SMARCA2: variants seen among roughly 807,000 people sequenced by gnomAD.
The protein encoded by SMARCA2 is SWI/SNF related BAF chromatin remodeling complex subunit ATPase 2, also known as SWI/SNF-related matrix-associated actin-dependent regulator of chromatin subfamily A member 2.
In SMARCA2, 61 loss-of-function variants were observed where a neutral mutation model predicts 199.8. That is an observed-to-expected ratio of 0.31 (90% CI 0.25 to 0.38). SMARCA2 has a LOEUF of 0.38. Among genes scored for constraint, SMARCA2 ranks in the 10% least tolerant of loss-of-function variants. The pLI, the probability that SMARCA2 is intolerant of heterozygous loss-of-function variation, is 1.00. For synonymous variants in SMARCA2, 935 were observed against 732.0 expected (o/e 1.28, Z -4.48); for missense variants, 1,344 against 2,012.2 (o/e 0.67, Z 6.35).
At chr9:2,157,078 C>T (rs530073458) in intron 27 of SMARCA2, among the ~76,000 whole-genome samples, 7 of 152,196 alleles carry the variant, frequency 4.6e-5, no homozygotes, top group Non-Finnish European at 8.8e-5. Flanking sequence ...AAAAGTGCTA[C>T]AGTATGCATT....
chr9:2,096,805 T>G (rs766336242), intron 20 of SMARCA2, 41 bp downstream of exon 20: 73 of 1,130,004 alleles, frequency 6.5e-5, no homozygotes, highest in Middle Eastern at 1.9e-4. Context: ...TGCTGTGGTA[T>G]GTCTTCTCAT....
intron 19 of SMARCA2, among the ~76,000 whole-genome samples, chr9:2,094,480 A>G (rs759798704): frequency 6.6e-6 from 1 of 152,150 alleles, no homozygotes; most frequent in African/African-American, 2.4e-5. Flanking sequence ...CCTTCCCCAA[A>G]TGCACAAGCA....
At chr9:2,042,976 A>G (rs1819677346) in intron 4 of SMARCA2, 1 of 152,134 alleles carries the variant, frequency 6.6e-6, no homozygotes, top group African/African-American at 2.4e-5. Context: ...AGATAACTTT[A>G]CTTGCCAAAA....
chr9:2,188,345 G>C (rs930904154), intron 32 of SMARCA2, among the ~76,000 whole-genome samples: 2 of 152,050 alleles, frequency 1.3e-5, no homozygotes, highest in Non-Finnish European at 2.9e-5. Flanking sequence ...TATACACATT[G>C]CCACAGAGAA....
intron 5 of SMARCA2, 146 bp downstream of exon 5, chr9:2,047,630 C>T (rs978579118): frequency 3.0e-6 from 3 of 1,003,460 alleles, no homozygotes; most frequent in East Asian, 3.7e-5. Flanking sequence ...CTCCTGGGGC[C>T]TTCCCGGTGC....
At position 2,192,945 on chromosome 9, in the gene SMARCA2, C is replaced by G. The variant is rs1489580134; in HGVS notation, c.*206C>G. ...CACAAATATTTGTAACATATTGTGA[C>G]CAAATGGGCCTCAAAGATTCAGATT... On this transcript the variant is annotated 3_prime_UTR_variant, in exon 34 of 34. Transcript: ENST00000349721. The G allele has an allele frequency of 7.8e-6, 4 of 515,280 alleles. No homozygotes were observed. The highest frequency in any genetic ancestry group is 3.2e-5 in the South Asian group (1 of 30,928). The allele number at this position is 515,280 out of a possible 1,614,324, so 31.9% of individuals were successfully genotyped here.
chr9:2,026,879 CA>C (rs1390402431), intron 1 of SMARCA2, among the ~76,000 whole-genome samples: 2 of 152,118 alleles, frequency 1.3e-5, no homozygotes, highest in African/African-American at 4.8e-5. Context: ...TTGTTCATCA[CA>C]AAGAATAAAT....
chr9:2,099,157 G>A (rs1324202874), intron 21 of SMARCA2, among the ~76,000 whole-genome samples: 5 of 152,114 alleles, frequency 3.3e-5, no homozygotes, highest in African/African-American at 9.7e-5. Context: ...ACAATAACAT[G>A]TGAAGCATCT....
intron 2 of SMARCA2, among the ~76,000 whole-genome samples, chr9:2,030,401 A>C (rs1173630618): frequency 6.6e-6 from 1 of 152,142 alleles, no homozygotes; most frequent in Non-Finnish European, 1.5e-5. Flanking sequence ...GAGAACCAGG[A>C]GAACCAGGAG....
chr9:2,186,989 C>A (rs886720245), intron 32 of SMARCA2, among the ~76,000 whole-genome samples: 1 of 152,178 alleles, frequency 6.6e-6, no homozygotes, highest in East Asian at 1.9e-4. Flanking sequence ...GTTGTGGGGC[C>A]TGAGAATCCG....
intron 32 of SMARCA2, among the ~76,000 whole-genome samples, chr9:2,188,036 CAAATATATTA>C (rs999047351): frequency 4.6e-5 from 7 of 152,048 alleles, no homozygotes; most frequent in Middle Eastern, 3.2e-3. Flanking sequence ...TTTACCTTTT[CAAATATATTA>C]AAAGTATAGA....
chr9:2,175,095 A>C (rs1443770002), intron 29 of SMARCA2, among the ~76,000 whole-genome samples: 1 of 151,988 alleles, frequency 6.6e-6, no homozygotes, highest in Non-Finnish European at 1.5e-5. Context: ...AAACTGTAGA[A>C]ATGGCCGGCT....
intron 14 of SMARCA2, among the ~76,000 whole-genome samples, chr9:2,080,582 A>G (rs1821525629): frequency 6.6e-6 from 1 of 152,080 alleles, no homozygotes; most frequent in African/African-American, 2.4e-5. Context: ...TTGTTTTATA[A>G]TAATTTCCCC....
chr9:2,182,276 C>G (rs139636031), intron 31 of SMARCA2, 34 bp downstream of exon 31: 1 of 1,262,802 alleles, frequency 7.9e-7, no homozygotes, highest in Non-Finnish European at 1.1e-6. Flanking sequence ...AAGTTCTTAA[C>G]TGTAAATGTG....
chr9:2,059,274 G>A (rs1820483168), intron 8 of SMARCA2, among the ~76,000 whole-genome samples: 1 of 152,178 alleles, frequency 6.6e-6, no homozygotes, highest in South Asian at 2.1e-4. Context: ...CCATAATTAT[G>A]TTCCTGGAAA....
chr9:2,139,766 G>C (rs1824378433), intron 27 of SMARCA2, among the ~76,000 whole-genome samples: 1 of 152,102 alleles, frequency 6.6e-6, no homozygotes, highest in Admixed American at 6.6e-5. Context: ...GGAGTAACTG[G>C]GGAAGTCACA....
chr9:2,093,345 C>T (rs1351027189), intron 19 of SMARCA2, among the ~76,000 whole-genome samples: 1 of 152,164 alleles, frequency 6.6e-6, no homozygotes, highest in Non-Finnish European at 1.5e-5. Flanking sequence ...CTTAAAAAGT[C>T]TTCACTGATA....
At chr9:2,025,284 G>A (rs183793723) in intron 1 of SMARCA2, among the ~76,000 whole-genome samples, 2 of 152,176 alleles carry the variant, frequency 1.3e-5, no homozygotes, top group Admixed American at 6.5e-5. Context: ...GGGAGTCCTG[G>A]TCTGGGGGAG....
At chr9:2,097,173 C>G in intron 20 of SMARCA2, 2 of 515,364 alleles carry the variant, frequency 3.9e-6, no homozygotes, top group East Asian at 6.2e-5. Context: ...TCAAGGTTCA[C>G]TTTTTTTGTA....
Sources: gnomAD v4.1 joint callset for allele counts (sites outside exome capture counted in the v4.1 genomes callset) on GRCh38, gnomAD v4.1.1 for gene constraint, MANE v1.5 for transcripts, NCBI Gene and HGNC (gene_info 2026-07-23, HGNC 2026-07-21) for gene names.